Variants in PRR14L observed in about 807,000 individuals in gnomAD.
The protein encoded by PRR14L is proline rich 14 like.
In PRR14L, 80 loss-of-function variants were observed where a neutral mutation model predicts 155.0. The observed-to-expected ratio is 0.52, with a 90% confidence interval of 0.43 to 0.62. The LOEUF is 0.62. PRR14L is among the 20% of genes least tolerant of loss of function. The pLI, the probability that PRR14L is intolerant of heterozygous loss-of-function variation, is 0.00. For synonymous variants in PRR14L, 883 were observed against 916.0 expected (o/e 0.96, Z 0.65); for missense variants, 2,469 against 2,548.0 (o/e 0.97, Z 0.67).
intron 4 of PRR14L, among the ~76,000 whole-genome samples, chr22:31,708,934 C>T (rs909539048): frequency 6.6e-6 from 1 of 152,152 alleles, no homozygotes; most frequent in Non-Finnish European, 1.5e-5. Flanking sequence ...TTAAGTGATT[C>T]TCCTGCCTCA....
chr22:31,747,456 AG>A (rs1189968830), intron 1 of PRR14L, among the ~76,000 whole-genome samples: 1 of 149,972 alleles, frequency 6.7e-6, no homozygotes, highest in Non-Finnish European at 1.5e-5. Context: ...TCAGGAAGCC[AG>A]GGTCCCTTAT....
intron 3 of PRR14L, among the ~76,000 whole-genome samples, chr22:31,722,604 G>A (rs2074697153): frequency 6.7e-6 from 1 of 150,046 alleles, no homozygotes; most frequent in Non-Finnish European, 1.5e-5. Flanking sequence ...CTCACTGCAA[G>A]CTCCACCTCC....
At position 31,738,699 on chromosome 22, in the gene PRR14L, G is replaced by A; in HGVS notation, c.162C>T (p.Ser54=). The change falls in exon 2 of 9, where the codon AGC becomes AGT. Residue 54 remains serine, a synonymous_variant. Transcript: ENST00000327423. ...VIPDVKPGAS[S]SLLSQNRALP... is the part of the protein sequence containing the mutation. Reference sequence around the variant, plus strand: ...ATGCCCTATTCTGACTTAAAAGAGAGCTTGAGGCTCCAGGTTTTACATCTG... The same window carrying A: ...ATGCCCTATTCTGACTTAAAAGAGAACTTGAGGCTCCAGGTTTTACATCTG... The A allele has an allele frequency of 1.3e-6, 2 of 1,551,908 alleles. No homozygotes were observed. Among genetic ancestry groups the A allele is most frequent in the Non-Finnish European group, 1.7e-6 (2 of 1,147,054 alleles).
At chr22:31,696,225 A>G (rs1420021126) in intron 7 of PRR14L, among the ~76,000 whole-genome samples, 2 of 150,440 alleles carry the variant, frequency 1.3e-5, no homozygotes, top group Non-Finnish European at 3.0e-5. Context: ...CACTGCAACC[A>G]CCGCCTTTTG....
At chr22:31,694,375 C>T (rs951631525) in intron 7 of PRR14L, among the ~76,000 whole-genome samples, 2 of 151,872 alleles carry the variant, frequency 1.3e-5, no homozygotes, top group Non-Finnish European at 2.9e-5. Flanking sequence ...CGGCCAGCAG[C>T]AACTTTTAAA....
intron 3 of PRR14L, among the ~76,000 whole-genome samples, chr22:31,718,965 T>C (rs2074675463): frequency 6.6e-6 from 1 of 151,984 alleles, no homozygotes. Flanking sequence ...TCCCAGCTAC[T>C]GGGGAGGCTG....
intron 1 of PRR14L, among the ~76,000 whole-genome samples, chr22:31,747,667 G>A (rs1009834004): frequency 8.6e-5 from 13 of 151,690 alleles, no homozygotes; most frequent in African/African-American, 3.1e-4. Context: ...AACAATGGTG[G>A]TATAGAGCTC....
In PRR14L at chr22:31,715,415, C is replaced by A. The variant is rs927475964; in HGVS notation, c.2424G>T (p.Lys808Asn). The A allele has an allele frequency of 6.4e-7, 1 of 1,552,324 alleles. No homozygotes were observed. Among genetic ancestry groups the A allele is most frequent in the Non-Finnish European group, 8.7e-7 (1 of 1,147,140 alleles). ...CAACTTGCAGGCTGATTTTGCTGGA[C>A]TTGAAAGCAGCAGAAGCAGAACACA... The part of the protein sequence containing the change: ...ENMCSASAAF[K>N]SSKISLQVDN... Residue 808 changes from lysine to asparagine, a missense_variant, in exon 4 of 9, where the codon AAG becomes AAT. Transcript: ENST00000327423.
intron 4 of PRR14L, 54 bp from the exon 5 acceptor site, chr22:31,704,780 A>G: frequency 3.6e-6 from 5 of 1,407,468 alleles, no homozygotes; most frequent in South Asian, 2.3e-5. Flanking sequence ...GGATAACAGG[A>G]AAGGTTTTGA....
intron 7 of PRR14L, among the ~76,000 whole-genome samples, chr22:31,698,797 C>A (rs1302746732): frequency 6.6e-6 from 1 of 151,390 alleles, no homozygotes; most frequent in East Asian, 2.0e-4. Context: ...TGGCGGGCGC[C>A]TGTAGTCCCA....
At chr22:31,685,856 C>A in intron 8 of PRR14L, 53 bp from the exon 9 acceptor site, 1 of 1,510,776 alleles carries the variant, frequency 6.6e-7, no homozygotes, top group South Asian at 1.3e-5. Context: ...ATGGCCCATC[C>A]TGTCAACAGG....
intron 3 of PRR14L, among the ~76,000 whole-genome samples, chr22:31,723,906 G>C (rs1381499445): frequency 6.6e-6 from 1 of 152,224 alleles, no homozygotes; most frequent in Non-Finnish European, 1.5e-5. Flanking sequence ...TGGTCTGTTA[G>C]AAATCGGGCG....
rs531036273 is a variant in PRR14L at position 31,696,481 on chromosome 22, C to T, written c.6107+5175G>A. Among the ~76,000 whole-genome samples the T allele has an allele frequency of 4.6e-5, 7 of 152,110 alleles. No homozygotes were observed. The East Asian group carries it at 5.9e-4, about 13-fold the overall frequency. The stretch of plus-strand genomic sequence containing the variant: ...AGAAATGTGGTCTCACCATGTTGCC[C>T]GGGCTACTCTTAACCTCCTGGGCTC... On this transcript the variant is annotated intron_variant, in intron 7 of 8. Transcript: ENST00000327423.
intron 6 of PRR14L, among the ~76,000 whole-genome samples, chr22:31,702,054 C>A (rs1396670937): frequency 1.3e-5 from 2 of 152,144 alleles, no homozygotes; most frequent in African/African-American, 4.8e-5. Context: ...TTTGCCTCAG[C>A]CTCTGCGGTA....
At position 31,712,701 on chromosome 22, in the gene PRR14L, C is replaced by T; in HGVS notation, c.5138G>A (p.Gly1713Asp). The change falls in exon 4 of 9, where the codon GGT (glycine) becomes GAT (aspartate). Residue 1713 changes from glycine (G) to aspartate (D), a missense_variant. Around this residue, in one of 2 missense-constraint regions of PRR14L, gnomAD observed 2,363 missense variants for 2,371.6 expected, o/e 1.00. Transcript: ENST00000327423. The part of the protein sequence containing the change: ...LSNKMPSLLF[G>D]SEIFPVSFHV... ...AAAGGATACTGGGAAGATTTCAGAA[C>T]CAAACAGCAGGGACGGCATCTTGTT... The T allele has an allele frequency of 6.4e-7, 1 of 1,551,724 alleles. No homozygotes were observed.
At position 31,701,760 on chromosome 22, in the gene PRR14L, A is replaced by G. The variant is rs747960707; in HGVS notation, c.6003T>C (p.Ala2001=). The change falls in exon 7 of 9, where the codon GCT becomes GCC. Residue 2001 remains alanine (A), a splice_region_variant and synonymous_variant. Coordinates refer to ENST00000327423, the MANE Select transcript of PRR14L (RefSeq NM_173566.3). ...CTTTCTTTGGCCTCTTCTCTGGCTC[A>G]GCCTATTTTTAAGGATTAAGAAGAA... ...PQSSPPEQKE[A]EPEKRPKKVS... The G allele has an allele frequency of 2.5e-6, 4 of 1,611,190 alleles. No individual in the cohort carries two copies. The highest frequency in any genetic ancestry group is 3.4e-5 in the Admixed American group (2 of 59,680).
At chr22:31,704,751 G>A in intron 4 of PRR14L, 25 bp from the exon 5 acceptor site, 1 of 1,593,202 alleles carries the variant, frequency 6.3e-7, no homozygotes, top group Admixed American at 1.7e-5. Context: ...AAGTACAAAA[G>A]CAATAGGTAA....
intron 4 of PRR14L, among the ~76,000 whole-genome samples, chr22:31,709,811 G>C (rs1041907353): frequency 2.0e-5 from 3 of 151,678 alleles, no homozygotes; most frequent in Non-Finnish European, 4.4e-5. Flanking sequence ...AAAGTGCTAG[G>C]ATTACAGGCA....
chr22:31,705,047 C>T (rs542007324), intron 4 of PRR14L, among the ~76,000 whole-genome samples: 88 of 152,112 alleles, frequency 5.8e-4, no homozygotes, highest in African/African-American at 2.0e-3. Flanking sequence ...ATCGCTTCAG[C>T]CTAGGAGTTC....
Sources: allele counts gnomAD v4.1 joint callset (sites outside exome capture counted in the v4.1 genomes callset), GRCh38; gene constraint gnomAD v4.1.1; regional missense constraint gnomAD v4.1.1; transcripts MANE v1.5; gene names NCBI Gene and HGNC (gene_info 2026-07-23, HGNC 2026-07-21).